Variants in SH2D2A observed in about 807,000 individuals in gnomAD.
SH2D2A encodes SH2 domain-containing protein 2A.
SH2D2A carries 33 observed loss-of-function variants against 43.6 expected under a neutral mutation model. The observed-to-expected ratio is 0.76, with a 90% CI of 0.57 to 1.01. SH2D2A has a LOEUF of 1.01. SH2D2A is among the 50% of genes least tolerant of loss of function. The pLI is 0.00. For synonymous variants in SH2D2A, 212 were observed against 206.1 expected (o/e 1.03, Z -0.25); for missense variants, 491 against 503.1 (o/e 0.98, Z 0.23).
At position 156,813,986 on chromosome 1, in the gene SH2D2A, C is replaced by T; in HGVS notation, c.429G>A (p.Leu143=). The change falls in exon 5 of 9, where the codon CTG becomes CTA. Residue 143 remains leucine, a synonymous_variant. Coordinates refer to ENST00000368199, the MANE Select transcript of SH2D2A (RefSeq NM_003975.4). ...RSRTCCRHFL[L]AQLRDGRHVV... ...CGTGGCGCCCGTCCCTGAGCTGGGCCAGCAGGAAGTGGCGGCAGCAAGTCC... is the reference window on the plus strand; with the variant it reads ...CGTGGCGCCCGTCCCTGAGCTGGGCTAGCAGGAAGTGGCGGCAGCAAGTCC... The T allele has an allele frequency of 3.3e-6, 5 of 1,524,148 alleles. No individual in the cohort carries two copies. The highest frequency in any genetic ancestry group is 3.5e-6 in the Non-Finnish European group (4 of 1,137,882). The allele number at this position is 1,524,148 out of a possible 1,614,324, so 94.4% of individuals were successfully genotyped here.
At chr1:156,810,497 T>C (rs1653332017) in intron 5 of SH2D2A, among the ~76,000 whole-genome samples, 1 of 151,992 alleles carries the variant, frequency 6.6e-6, no homozygotes, top group Non-Finnish European at 1.5e-5. Flanking sequence ...ATTTCTGTAC[T>C]GCCGGTTACT....
In SH2D2A at chr1:156,815,241, A is replaced by C. The variant is rs1254883377; in HGVS notation, c.124-20T>G. 3 of 1,459,388 alleles carry C rather than the reference A, an allele frequency of 2.1e-6. No individual in the cohort carries two copies. The Admixed American group carries it at 7.6e-5, about 37-fold the overall frequency. The allele number at this position is 1,459,388 out of a possible 1,614,324, so 90.4% of individuals were successfully genotyped here. On this transcript the variant is annotated intron_variant, in intron 2 of 8. Coordinates refer to ENST00000368199, the MANE Select transcript of SH2D2A (RefSeq NM_003975.4). ...AGATGCCTGGATCAGGGAAGAGTTCAAGGAGGGGGAAGCAGCATGATGAGT... is the reference window on the plus strand; with the variant it reads ...AGATGCCTGGATCAGGGAAGAGTTCCAGGAGGGGGAAGCAGCATGATGAGT...
rs1359872048 is a variant in SH2D2A, at chr1:156,813,883, A to C, written c.532T>G (p.Tyr178Asp). The change falls in exon 5 of 9, where the codon TAC (tyrosine) becomes GAC (aspartate). Residue 178 changes from tyrosine to aspartate, a missense_variant. By Grantham distance (160) the Tyr-to-Asp change is radical. Transcript: ENST00000368199. Reference sequence around the variant, plus strand: ...AGGGGCTCGGTGAGCGTCTCCCCGTAGGGGCTGAGCGGGTGCGCGGTGTAG... The same window carrying C: ...AGGGGCTCGGTGAGCGTCTCCCCGTCGGGGCTGAGCGGGTGCGCGGTGTAG... ...LHYTAHPLSP[Y>D]GETLTEPLAR... 1.3e-6 allele frequency: 2 copies of C among 1,532,878 alleles called. No homozygotes were observed. The highest frequency in any genetic ancestry group is 8.8e-7 in the Non-Finnish European group (1 of 1,142,398). The allele number at this position is 1,532,878 out of a possible 1,614,324, so 95.0% of individuals were successfully genotyped here.
chr1:156,807,599 A>G lies in SH2D2A; in HGVS notation c.1003-254T>C, dbSNP rs774660402. Among the ~76,000 whole-genome samples, 6 of 152,172 alleles carry G rather than the reference A, an allele frequency of 3.9e-5. No individual in the cohort carries two copies. The highest frequency in any genetic ancestry group is 6.5e-5 in the Admixed American group (1 of 15,280). On this transcript the variant is annotated intron_variant, in intron 7 of 8. Transcript: ENST00000368199. This position sits in a 1 kb window ranked among gnomAD's most constrained non-coding sequence, Gnocchi z 5.1. ...ACTCACACTCTAAACTAGGGAAGGG[A>G]CAGAGAGAAGGAGATGGGAGGAGAT...
chr1:156,809,101 T>C lies in SH2D2A; in HGVS notation c.1002+102A>G. The C allele has an allele frequency of 8.0e-7, 1 of 1,257,362 alleles. No homozygotes were observed. Among genetic ancestry groups the C allele is most frequent in the Non-Finnish European group, 1.1e-6 (1 of 894,410 alleles). 77.9% of individuals were successfully genotyped at this position (1,257,362 alleles called of 1,614,324 possible). On this transcript the variant is annotated intron_variant, in intron 7 of 8. Coordinates refer to ENST00000368199, the MANE Select transcript of SH2D2A (RefSeq NM_003975.4). The surrounding 1 kb of genome is among the most constrained non-coding windows in gnomAD (Gnocchi z 4.8). ...CCACATCACCTCACACCTCTGCCCCTTACCCTGCCCCAGGCATCCACTCTG... is the reference window on the plus strand; with the variant it reads ...CCACATCACCTCACACCTCTGCCCCCTACCCTGCCCCAGGCATCCACTCTG...
At chr1:156,815,717 G>A in intron 2 of SH2D2A, 1 of 1,185,776 alleles carries the variant, frequency 8.4e-7, no homozygotes, top group Admixed American at 1.7e-5. Flanking sequence ...CTGACACAGA[G>A]TGCAGATGCC....
chr1:156,808,178 A>G (rs1653105429), intron 7 of SH2D2A, among the ~76,000 whole-genome samples: 1 of 152,060 alleles, frequency 6.6e-6, no homozygotes, highest in Non-Finnish European at 1.5e-5. Flanking sequence ...GGGAAGGAAA[A>G]ATATACTTAG....
intron 3 of SH2D2A, chr1:156,814,579 A>T (rs1429298267): frequency 6.1e-6 from 3 of 491,902 alleles, no homozygotes; most frequent in Non-Finnish European, 1.1e-5. Flanking sequence ...AGCTACAGGG[A>T]TGGGAAAGTA....
chr1:156,813,084 A>ATCTG (rs1264147340), intron 5 of SH2D2A, among the ~76,000 whole-genome samples: 36 of 152,304 alleles, frequency 2.4e-4, no homozygotes, highest in Non-Finnish European at 2.9e-5. Flanking sequence ...TTTGAGATCC[A>ATCTG]TCTGTCTGTC....
At chr1:156,814,867 C>T in intron 3 of SH2D2A, 170 bp downstream of exon 3, 1 of 514,120 alleles carries the variant, frequency 1.9e-6, no homozygotes, top group Non-Finnish European at 3.4e-6. Flanking sequence ...TGGAGAGATG[C>T]CTCAGTGAAA....
chr1:156,815,078 G>A lies in SH2D2A; in HGVS notation c.267C>T (p.His89=), dbSNP rs767599824. 2.1e-5 allele frequency: 33 copies of A among 1,603,578 alleles called. No individual in the cohort carries two copies. Among genetic ancestry groups the A allele is most frequent in the Non-Finnish European group, 2.7e-5 (32 of 1,174,848 alleles). Residue 89 remains histidine (H), a synonymous_variant, in exon 3 of 9, where the codon CAC becomes CAT. Transcript: ENST00000368199. ...CATGGAACCAGGCAGGGGCTGCCCC[G>A]TGCTGCAGGAGCCAGTGGGCCTGGG... ...QKTQAHWLLQ[H]GAAPAWFHGF... is the part of the protein sequence containing the mutation.
At position 156,809,391 on chromosome 1, in the gene SH2D2A, G is replaced by T. The variant is rs12072861; in HGVS notation, c.814C>A (p.Arg272Ser). The stretch of plus-strand genomic sequence containing the variant: ...TAGATAGGATTGGAGGGCTTGGGGC[G>T]TGGGGCCGGGCGGTGTCGTGGAACA... ...IPVPRHRPAP[R>S]PKPSNPIYNE... Residue 272 changes from arginine (R) to serine (S), a missense_variant, in exon 7 of 9, where the codon CGC becomes AGC. Arg to Ser is a moderately radical substitution (Grantham distance 110, BLOSUM62 -1). Coordinates refer to ENST00000368199, the MANE Select transcript of SH2D2A (RefSeq NM_003975.4). This position sits in a 1 kb window ranked among gnomAD's most constrained non-coding sequence, Gnocchi z 4.8. 3 of 1,613,946 alleles carry T rather than the reference G, an allele frequency of 1.9e-6. No individual in the cohort carries two copies. The highest frequency in any genetic ancestry group is 1.1e-5 in the South Asian group (1 of 91,090).
At chr1:156,808,465 G>A (rs570596886) in intron 7 of SH2D2A, among the ~76,000 whole-genome samples, 63 of 152,264 alleles carry the variant, frequency 4.1e-4, no homozygotes, top group Non-Finnish European at 8.4e-4. Context: ...GACAGCAGAC[G>A]TTGGCAGGGG....
chr1:156,814,109 A>T, intron 4 of SH2D2A, 93 bp from the exon 5 acceptor site: 1 of 1,532,036 alleles, frequency 6.5e-7, no homozygotes, highest in South Asian at 1.2e-5. Context: ...AGCCCGGGGA[A>T]TGAGCTAAGA....
chr1:156,812,896 C>T (rs1452534613), intron 5 of SH2D2A, among the ~76,000 whole-genome samples: 3 of 152,242 alleles, frequency 2.0e-5, no homozygotes, highest in Admixed American at 6.5e-5. Context: ...ACATTCACTC[C>T]TGTTTTTCCA....
chr1:156,810,710 T>TG (rs1173407390), intron 5 of SH2D2A, among the ~76,000 whole-genome samples: 5 of 152,186 alleles, frequency 3.3e-5, no homozygotes, highest in Non-Finnish European at 5.9e-5. Context: ...TTAGTAGAGA[T>TG]GGAGTTTTGC....
At chr1:156,811,423 G>C (rs1653410515) in intron 5 of SH2D2A, among the ~76,000 whole-genome samples, 1 of 152,208 alleles carries the variant, frequency 6.6e-6, no homozygotes. Flanking sequence ...ACTCCTGAGA[G>C]CTTGAGTGAC....
intron 2 of SH2D2A, 166 bp from the exon 3 acceptor site, chr1:156,815,387 T>C (rs1041678090): frequency 1.7e-6 from 1 of 596,062 alleles, no homozygotes. Flanking sequence ...AAATCCCTTC[T>C]TCAGCTCCAG....
rs1000046183 is a variant in SH2D2A at position 156,807,746 on chromosome 1, T to G, written c.1003-401A>C. ...TTGCCAGGCAGCGGGAGGATGAGGTTGCAGGAAGTTGCTATAGGCAGAGAT... is the reference window on the plus strand; with the variant it reads ...TTGCCAGGCAGCGGGAGGATGAGGTGGCAGGAAGTTGCTATAGGCAGAGAT... On this transcript the variant is annotated intron_variant, in intron 7 of 8. Coordinates refer to ENST00000368199, the MANE Select transcript of SH2D2A (RefSeq NM_003975.4). The surrounding 1 kb of genome is among the most constrained non-coding windows in gnomAD (Gnocchi z 5.1). 2.0e-5 allele frequency among the ~76,000 whole-genome samples: 3 copies of G among 152,170 alleles called. No homozygotes were observed. The highest frequency in any genetic ancestry group is 4.8e-5 in the African/African-American group (2 of 41,430).
Sources: allele counts gnomAD v4.1 joint callset (sites outside exome capture counted in the v4.1 genomes callset), GRCh38; gene constraint gnomAD v4.1.1; non-coding constraint Gnocchi (gnomAD v3.1); transcripts MANE v1.5; gene names NCBI Gene and HGNC (gene_info 2026-07-23, HGNC 2026-07-21).